The following ARHGAP42 variants were observed in gnomAD, a reference collection of about 807,000 sequenced individuals.
The protein encoded by ARHGAP42 is rho GTPase-activating protein 42.
In ARHGAP42, 63 loss-of-function variants were observed where a neutral mutation model predicts 125.0. The ratio of observed to expected loss-of-function variants is 0.50; its 90% CI spans 0.41 to 0.62. ARHGAP42 has a LOEUF of 0.62. Among genes scored for constraint, ARHGAP42 ranks in the 20% least tolerant of loss-of-function variants. The probability of loss-of-function intolerance (pLI) is 0.00; values close to 1 mark genes in which losing one functional copy is unlikely to be tolerated. For missense variants in ARHGAP42, 766 were observed against 1,024.2 expected (o/e 0.75, Z 3.44); for synonymous variants, 339 against 351.0 (o/e 0.97, Z 0.38).
chr11:100,833,160 G>A (rs1864701416), intron 3 of ARHGAP42, among the ~76,000 whole-genome samples: 1 of 152,184 alleles, frequency 6.6e-6, no homozygotes. Context: ...TGAAAGTAAA[G>A]TTATTCTCCA....
intron 7 of ARHGAP42, among the ~76,000 whole-genome samples, chr11:100,935,656 T>TCACACACACA (rs370952044): frequency 8.5e-5 from 12 of 140,558 alleles, no homozygotes; most frequent in African/African-American, 1.6e-4. Context: ...AGGAAGAAGG[T>TCACACACACA]CACACACACA....
intron 18 of ARHGAP42, among the ~76,000 whole-genome samples, chr11:100,974,258 A>G (rs1039989082): frequency 1.3e-5 from 2 of 152,230 alleles, no homozygotes; most frequent in Admixed American, 6.5e-5. Context: ...AAGATCTTCT[A>G]GATTTTACTT....
intron 1 of ARHGAP42, among the ~76,000 whole-genome samples, chr11:100,731,505 G>A (rs1200360880): frequency 6.6e-6 from 1 of 152,120 alleles, no homozygotes; most frequent in African/African-American, 2.4e-5. Flanking sequence ...TCATCCTAAT[G>A]TTCTAAAGAA....
intron 3 of ARHGAP42, among the ~76,000 whole-genome samples, chr11:100,808,684 C>T (rs1263434565): frequency 6.6e-6 from 1 of 152,060 alleles, no homozygotes; most frequent in Non-Finnish European, 1.5e-5. Context: ...GGATTACAGG[C>T]GTGAGCCACC....
intron 4 of ARHGAP42, among the ~76,000 whole-genome samples, chr11:100,894,068 G>C (rs1351035203): frequency 6.6e-6 from 1 of 152,116 alleles, no homozygotes; most frequent in African/African-American, 2.4e-5. Flanking sequence ...CATTGTTTAA[G>C]AGTGAGGATT....
intron 3 of ARHGAP42, among the ~76,000 whole-genome samples, chr11:100,853,937 G>A (rs1304743649): frequency 6.6e-6 from 1 of 151,450 alleles, no homozygotes; most frequent in African/African-American, 2.4e-5. Flanking sequence ...CTAGAGCACT[G>A]CAATTGGCCT....
intron 10 of ARHGAP42, among the ~76,000 whole-genome samples, chr11:100,944,624 G>A (rs75064999): frequency 4.6e-5 from 7 of 151,548 alleles, no homozygotes; most frequent in Non-Finnish European, 8.8e-5. Context: ...GTAATAAAGC[G>A]AATATCATAA....
At chr11:100,817,830 A>G (rs1283096355) in intron 3 of ARHGAP42, among the ~76,000 whole-genome samples, 2 of 152,170 alleles carry the variant, frequency 1.3e-5, no homozygotes, top group Non-Finnish European at 2.9e-5. Flanking sequence ...CTCACAGAAG[A>G]TTACTCAGCT....
chr11:100,871,323 A>T (rs1565251656), intron 4 of ARHGAP42, among the ~76,000 whole-genome samples: 1 of 151,886 alleles, frequency 6.6e-6, no homozygotes, highest in African/African-American at 2.4e-5. Context: ...AGGCGGGTGG[A>T]TCACTTGAGG....
chr11:100,828,593 A>G (rs1398210963), intron 3 of ARHGAP42, among the ~76,000 whole-genome samples: 1 of 152,174 alleles, frequency 6.6e-6, no homozygotes, highest in African/African-American at 2.4e-5. Context: ...AGCTGCCTAG[A>G]CAGACCTGCA....
chr11:100,849,529 T>TCATGGA (rs1283193332), intron 3 of ARHGAP42, among the ~76,000 whole-genome samples: 1 of 152,238 alleles, frequency 6.6e-6, no homozygotes, highest in Non-Finnish European at 1.5e-5. Flanking sequence ...TTTTGGGTAT[T>TCATGGA]CATGGACTTT....
At chr11:100,926,452 T>G (rs1438599194) in intron 6 of ARHGAP42, among the ~76,000 whole-genome samples, 1 of 152,178 alleles carries the variant, frequency 6.6e-6, no homozygotes, top group African/African-American at 2.4e-5. Flanking sequence ...CCAAATAAAA[T>G]GGACGATTAG....
rs869131567 is a variant in ARHGAP42, at chr11:100,921,245, ATTTTTTTTTTTTTTTTT to A, written c.487-237_487-221del. The stretch of plus-strand genomic sequence containing the variant: ...TATATATATATATATATATATATAT[ATTTTTTTTTTTTTTTTT>A]TTTTTTTTTTTACTGCAATGGGTAT... On this transcript the variant is annotated intron_variant, in intron 5 of 23. Transcript: ENST00000298815. Among the ~76,000 whole-genome samples, 3 of 36,726 alleles carry A rather than the reference ATTTTTTTTTTTTTTTTT, an allele frequency of 8.2e-5. No homozygotes were observed. In the East Asian group the frequency reaches 2.6e-3, roughly 32 times the overall value. The allele number at this position is 36,726 out of a possible 152,430, so 24.1% of individuals were successfully genotyped here.
At chr11:100,856,260 G>T (rs1187965775) in intron 3 of ARHGAP42, among the ~76,000 whole-genome samples, 1 of 151,900 alleles carries the variant, frequency 6.6e-6, no homozygotes, top group East Asian at 1.9e-4. Context: ...TTTAAATAAG[G>T]GTTTCCTACC....
chr11:100,868,652 A>G (rs1304095115), intron 4 of ARHGAP42, among the ~76,000 whole-genome samples: 1 of 152,188 alleles, frequency 6.6e-6, no homozygotes, highest in Admixed American at 6.5e-5. Context: ...ATGCTTCTTA[A>G]GGAATACTGA....
chr11:100,862,311 T>C (rs1865462789), intron 4 of ARHGAP42, among the ~76,000 whole-genome samples: 1 of 152,216 alleles, frequency 6.6e-6, no homozygotes, highest in Non-Finnish European at 1.5e-5. Context: ...TCATCAATGG[T>C]GTTTTTATAA....
intron 1 of ARHGAP42, among the ~76,000 whole-genome samples, chr11:100,744,949 C>G (rs193196649): frequency 3.3e-5 from 5 of 152,144 alleles, no homozygotes; most frequent in Admixed American, 3.3e-4. Flanking sequence ...GCACGTGGCC[C>G]CCGCTGCTGT....
intron 7 of ARHGAP42, among the ~76,000 whole-genome samples, chr11:100,933,624 C>T (rs1867646048): frequency 6.6e-6 from 1 of 152,084 alleles, no homozygotes; most frequent in Non-Finnish European, 1.5e-5. Context: ...CAGATGGTAA[C>T]TGTGGTGATT....
intron 22 of ARHGAP42, among the ~76,000 whole-genome samples, chr11:100,985,295 G>A (rs1301491834): frequency 6.6e-6 from 1 of 152,056 alleles, no homozygotes; most frequent in African/African-American, 2.4e-5. Flanking sequence ...TTGTCTTAAT[G>A]GTTCAAAGAA....
Sources: allele counts gnomAD v4.1 joint callset (sites outside exome capture counted in the v4.1 genomes callset), GRCh38; gene constraint gnomAD v4.1.1; transcripts MANE v1.5; gene names NCBI Gene and HGNC (gene_info 2026-07-23, HGNC 2026-07-21).